Variants in EPB41L3 observed in about 807,000 individuals in gnomAD.
The protein encoded by EPB41L3 is erythrocyte membrane protein band 4.1 like 3.
In EPB41L3, 57 loss-of-function variants were observed where a neutral mutation model predicts 127.1. The observed-to-expected ratio is 0.45, with a 90% CI of 0.36 to 0.56. The LOEUF is 0.56. EPB41L3 is among the 20% of genes least tolerant of loss of function. The pLI, the probability that EPB41L3 is intolerant of heterozygous loss-of-function variation, is 0.00. For missense variants in EPB41L3, 1,273 were observed against 1,372.2 expected (o/e 0.93, Z 1.14); for synonymous variants, 572 against 549.5 (o/e 1.04, Z -0.57).
rs1052925634 is a variant in EPB41L3, at chr18:5,561,026, G to A, written c.-306+51314C>T. On this transcript the variant is annotated intron_variant, in intron 3 of 21. Coordinates refer to the EPB41L3 transcript ENST00000545076. ...GGAGTCTCGCTCTGTCGCCCAGGCT[G>A]GAGTGCAGTGGCGCGATCGCGGCTC... Among the ~76,000 whole-genome samples, 21 of 146,116 alleles carry A rather than the reference G, an allele frequency of 1.4e-4. 1 individual carries two copies. Among genetic ancestry groups the A allele is most frequent in the South Asian group, 1.3e-3 (6 of 4,534 alleles).
chr18:5,612,463 C>T (rs1487839586), intron 2 of EPB41L3: 2 of 152,146 alleles, frequency 1.3e-5, no homozygotes, highest in Non-Finnish European at 2.9e-5. Flanking sequence ...TTCTTGATGT[C>T]CTTTGAATAT....
intron 2 of EPB41L3, among the ~76,000 whole-genome samples, chr18:5,478,748 TG>T (rs1441392520): frequency 6.6e-6 from 1 of 152,220 alleles, no homozygotes; most frequent in East Asian, 1.9e-4. Context: ...TAAAAAGGAT[TG>T]GATAGTATAG....
rs1288180094 is a variant in EPB41L3 at position 5,444,838 on chromosome 18, T to TC, written c.486+301dup. Among the ~76,000 whole-genome samples, 6 of 151,826 alleles carry TC rather than the reference T, an allele frequency of 4.0e-5. No homozygotes were observed. In the South Asian group the frequency reaches 8.3e-4, roughly 21 times the overall value. On this transcript the variant is annotated intron_variant, in intron 4 of 22. Transcript: ENST00000341928. ...CAAATAATCTACTGAAACACATTAC[T>TC]CCCCCCAACCCCACCCCGGCAAAAG...
intron 16 of EPB41L3, chr18:5,398,969 T>C (rs2074052218): frequency 2.5e-6 from 1 of 399,106 alleles, no homozygotes; most frequent in Non-Finnish European, 4.4e-6. Flanking sequence ...CCTCTGGTCC[T>C]CTCTTGGATT....
intron 3 of EPB41L3, among the ~76,000 whole-genome samples, chr18:5,455,227 T>C (rs1026251432): frequency 6.6e-6 from 1 of 152,160 alleles, no homozygotes; most frequent in Admixed American, 6.5e-5. Context: ...TAGAGACTGA[T>C]GTACTATTAA....
rs1421223578 is a variant in EPB41L3 at position 5,582,883 on chromosome 18, G to GT, written c.-306+29456dup. Among the ~76,000 whole-genome samples the GT allele has an allele frequency of 3.9e-5, 6 of 152,356 alleles. No individual in the cohort carries two copies. The East Asian group carries it at 1.2e-3, about 29-fold the overall frequency. ...AGAAGCTGGAGCGTCAGCAGAGGCA[G>GT]TGAGGCATGCCCGGGAGTGGGGGCA... On this transcript the variant is annotated intron_variant, in intron 3 of 21. Transcript: ENST00000545076.
chr18:5,515,926 G>A (rs1203070437), intron 1 of EPB41L3, among the ~76,000 whole-genome samples: 2 of 152,214 alleles, frequency 1.3e-5, no homozygotes, highest in East Asian at 3.9e-4. Flanking sequence ...AGGGAAGCCT[G>A]TGCACACAGA....
chr18:5,399,231 C>G, intron 16 of EPB41L3: 1 of 399,008 alleles, frequency 2.5e-6, no homozygotes, highest in Non-Finnish European at 4.4e-6. Context: ...TTCTTCGAAG[C>G]TTTGCATTTT....
chr18:5,608,099 A>G (rs887159892), intron 3 of EPB41L3, among the ~76,000 whole-genome samples: 1 of 152,156 alleles, frequency 6.6e-6, no homozygotes, highest in East Asian at 1.9e-4. Context: ...AGGTTCCTGT[A>G]TCATCAGGTT....
intron 3 of EPB41L3, among the ~76,000 whole-genome samples, chr18:5,574,380 G>GT (rs5822863): frequency 0.3 from 42,156 of 142,246 alleles, 6,345 homozygotes; most frequent in East Asian, 0.4. Flanking sequence ...GCTAGAATCA[G>GT]TTTTTTTTTT....
At chr18:5,450,593 A>G (rs1335784941) in intron 3 of EPB41L3, among the ~76,000 whole-genome samples, 1 of 152,140 alleles carries the variant, frequency 6.6e-6, no homozygotes, top group African/African-American at 2.4e-5. Context: ...AGACAAAAAT[A>G]CATTCTTAGT....
chr18:5,420,248 A>C, intron 11 of EPB41L3: 1 of 297,622 alleles, frequency 3.4e-6, no homozygotes, highest in Non-Finnish European at 6.4e-6. Context: ...GCATATTATC[A>C]CCATTGGCTG....
At chr18:5,505,346 C>A (rs1321976930) in intron 1 of EPB41L3, among the ~76,000 whole-genome samples, 1 of 152,090 alleles carries the variant, frequency 6.6e-6, no homozygotes. Context: ...ACCACATGGT[C>A]CTTCAGCAAA....
chr18:5,552,312 C>T (rs1026749369), intron 3 of EPB41L3, among the ~76,000 whole-genome samples: 1 of 152,216 alleles, frequency 6.6e-6, no homozygotes, highest in Non-Finnish European at 1.5e-5. Flanking sequence ...ATAAAGAACT[C>T]ATCACACGTT....
At chr18:5,594,480 A>C (rs2094517961) in intron 3 of EPB41L3, among the ~76,000 whole-genome samples, 1 of 152,206 alleles carries the variant, frequency 6.6e-6, no homozygotes, top group African/African-American at 2.4e-5. Context: ...CATTGTAATA[A>C]AATATACGGA....
intron 3 of EPB41L3, among the ~76,000 whole-genome samples, chr18:5,560,951 ATTTATTTATT>A (rs1203599091): frequency 7.3e-5 from 2 of 27,540 alleles, no homozygotes; most frequent in East Asian, 2.4e-3. Flanking sequence ...TTATTTATTT[ATTTATTTATT>A]TATTTATTTA....
intron 1 of EPB41L3, among the ~76,000 whole-genome samples, chr18:5,512,740 G>C (rs1164349459): frequency 1.3e-5 from 2 of 152,038 alleles, no homozygotes. Flanking sequence ...GGGAGGATGG[G>C]GAGCTTTAGC....
At chr18:5,512,279 A>G (rs150919045) in intron 1 of EPB41L3, among the ~76,000 whole-genome samples, 167 of 152,368 alleles carry the variant, frequency 1.1e-3, no homozygotes, top group African/African-American at 3.9e-3. Context: ...GCTACAGGAC[A>G]TAGAGAACTG....
chr18:5,441,623 G>A (rs1288574615), intron 5 of EPB41L3, among the ~76,000 whole-genome samples: 3 of 152,034 alleles, frequency 2.0e-5, no homozygotes, highest in East Asian at 3.9e-4. Flanking sequence ...ACGCCACCAT[G>A]CCCGGCTAAT....
Sources: allele counts gnomAD v4.1 joint callset (sites outside exome capture counted in the v4.1 genomes callset), GRCh38; gene constraint gnomAD v4.1.1; transcripts MANE v1.5; gene names NCBI Gene and HGNC (gene_info 2026-07-23, HGNC 2026-07-21).